ZFP64: variants seen among roughly 807,000 people sequenced by gnomAD.
The protein encoded by ZFP64 is ZFP64 zinc finger protein, also known as zinc finger protein 64.
ZFP64 carries 14 observed loss-of-function variants against 51.6 expected under a neutral mutation model. The ratio of observed to expected loss-of-function variants is 0.27; its 90% confidence interval spans 0.18 to 0.42. ZFP64 has a LOEUF of 0.42. Among genes scored for constraint, ZFP64 ranks in the 10% least tolerant of loss-of-function variants. The probability of loss-of-function intolerance (pLI) is 1.00; values close to 1 mark genes in which losing one functional copy is unlikely to be tolerated. For missense variants in ZFP64, 754 were observed against 906.8 expected (o/e 0.83, Z 2.16); for synonymous variants, 375 against 361.4 (o/e 1.04, Z -0.43).
chr20:52,084,933 C>CTT lies in ZFP64; in HGVS notation c.1561_1562insAA (p.Arg521GlnfsTer56). On this transcript the variant is annotated frameshift_variant, in exon 9 of 9. Coordinates refer to the ZFP64 transcript ENST00000361387. LOFTEE classifies it high-confidence loss of function. ...GCTGCAGAAGTCACACTTGAAGGGA[C>CTT]GGTCCTTACAGTGGACTCTGCTGTG... The CTT allele has an allele frequency of 1.9e-6, 3 of 1,613,728 alleles. No individual in the cohort carries two copies. Among genetic ancestry groups the CTT allele is most frequent in the Non-Finnish European group, 2.5e-6 (3 of 1,180,008 alleles).
At position 52,152,580 on chromosome 20, in the gene ZFP64, T is replaced by C; in HGVS notation, c.1612A>G (p.Ser538Gly). 1 of 1,556,688 alleles carries C rather than the reference T, an allele frequency of 6.4e-7. No individual in the cohort carries two copies. The highest frequency in any genetic ancestry group is 1.2e-5 in the South Asian group (1 of 82,116). The change falls in exon 6 of 6, where the codon AGC becomes GGC. Residue 538 changes from serine (S) to glycine (G), a missense_variant. Ser to Gly is a moderately conservative substitution (Grantham distance 56). This residue lies in a region of ZFP64 where 428 missense variants were observed against 472.4 expected (regional missense o/e 0.91). Transcript: ENST00000216923. ...ACCTGGCGCAGGATCTGCAGCCGGC[T>C]GTTCCCTGGGAGTTCCTCTGGGTTC... ...AQNPEELPGN[S>G]RLQILRQVSL... is the part of the protein sequence containing the mutation.
chr20:52,183,316 C>T (rs1452121600), intron 2 of ZFP64, among the ~76,000 whole-genome samples: 4 of 152,198 alleles, frequency 2.6e-5, no homozygotes, highest in Admixed American at 1.3e-4. Flanking sequence ...AAGCAATGGC[C>T]CCAAGTAAAA....
chr20:52,126,548 G>A (rs1335310096), intron 5 of ZFP64, among the ~76,000 whole-genome samples: 2 of 152,180 alleles, frequency 1.3e-5, no homozygotes, highest in Admixed American at 6.5e-5. Context: ...GCCCTATAAA[G>A]ATGACTGTTG....
rs747109338 is a variant in ZFP64 at position 52,161,863 on chromosome 20, G to A, written c.512-1489C>T. Among the ~76,000 whole-genome samples, 4 of 152,092 alleles carry A rather than the reference G, an allele frequency of 2.6e-5. No homozygotes were observed. In the South Asian group the frequency reaches 8.3e-4, roughly 32 times the overall value. On this transcript the variant is annotated intron_variant, in intron 4 of 5. Coordinates refer to ENST00000216923, the MANE Select transcript of ZFP64 (RefSeq NM_018197.3). ...ATGGAAGGAGGTGGCTGTGAATCAGGATTTTCTTTTTTTTACTTTATATAT... is the reference window on the plus strand; with the variant it reads ...ATGGAAGGAGGTGGCTGTGAATCAGAATTTTCTTTTTTTTACTTTATATAT...
chr20:52,154,813 T>A (rs1442732286), intron 5 of ZFP64, among the ~76,000 whole-genome samples: 2 of 152,196 alleles, frequency 1.3e-5, no homozygotes, highest in Admixed American at 6.5e-5. Flanking sequence ...CATATTTGTT[T>A]ACATATGGTT....
intron 5 of ZFP64, among the ~76,000 whole-genome samples, chr20:52,123,853 G>A (rs1230014997): frequency 6.8e-6 from 1 of 148,012 alleles, no homozygotes; most frequent in African/African-American, 2.6e-5. Context: ...GAAGTAAGAA[G>A]TGCTTAGTAA....
At chr20:52,158,004 C>CT (rs1467682822) in intron 5 of ZFP64, among the ~76,000 whole-genome samples, 4 of 152,094 alleles carry the variant, frequency 2.6e-5, no homozygotes, top group Non-Finnish European at 4.4e-5. Flanking sequence ...TGAACTCAAC[C>CT]TTTTTTATGG....
chr20:52,189,472 A>T (rs1051492579), intron 1 of ZFP64, among the ~76,000 whole-genome samples: 10 of 150,262 alleles, frequency 6.7e-5, no homozygotes, highest in African/African-American at 1.7e-4. Context: ...CCTTTTCCTA[A>T]TTTTTTTCCT....
chr20:52,105,016 G>A (rs1423149922), intron 5 of ZFP64: 13 of 1,234,820 alleles, frequency 1.1e-5, no homozygotes, highest in Middle Eastern at 2.9e-4. Flanking sequence ...ACTCTGCGCC[G>A]GACGCTTCGC....
intron 2 of ZFP64, among the ~76,000 whole-genome samples, chr20:52,176,742 C>A (rs1040168223): frequency 1.3e-5 from 2 of 151,868 alleles, no homozygotes; most frequent in Non-Finnish European, 2.9e-5. Context: ...ATCTCCTGAC[C>A]TCATGATCCA....
In ZFP64 at chr20:52,153,678, C is replaced by T. The variant is rs1981073997; in HGVS notation, c.764-250G>A. The stretch of plus-strand genomic sequence containing the variant: ...AGATCGAAAAGAGCAATTTAATTGT[C>T]CCAGATAAAATAAGATTTACAAGTA... On this transcript the variant is annotated intron_variant, in intron 5 of 5. Coordinates refer to ENST00000216923, the MANE Select transcript of ZFP64 (RefSeq NM_018197.3). The surrounding 1 kb of genome is among the most constrained non-coding windows in gnomAD (Gnocchi z 5.1). Among the ~76,000 whole-genome samples the T allele has an allele frequency of 6.6e-6, 1 of 152,166 alleles. No individual in the cohort carries two copies. The highest frequency in any genetic ancestry group is 6.5e-5 in the Admixed American group (1 of 15,272).
chr20:52,138,172 A>G (rs1980076923), intron 5 of ZFP64, among the ~76,000 whole-genome samples: 1 of 152,102 alleles, frequency 6.6e-6, no homozygotes, highest in Non-Finnish European at 1.5e-5. Context: ...ACTCCACTGC[A>G]CTTTAGCCTG....
In ZFP64 at chr20:52,152,928, T is replaced by C. The variant is rs1269092405; in HGVS notation, c.1264A>G (p.Lys422Glu). The stretch of plus-strand genomic sequence containing the variant: ...CATATATCGCAGTGGAAACTCTTCT[T>C]GGCATCCAGCTTGGCCACCTGCCGG... ...SSRQVAKLDA[K>E]KSFHCDICDA... The change falls in exon 6 of 6, where the codon AAG becomes GAG. Residue 422 changes from lysine (K) to glutamate (E), a missense_variant. By Grantham distance (56) the Lys-to-Glu change is moderately conservative. Around this residue, in one of 3 missense-constraint regions of ZFP64, gnomAD observed 428 missense variants for 472.4 expected, o/e 0.91. Coordinates refer to ENST00000216923, the MANE Select transcript of ZFP64 (RefSeq NM_018197.3). The C allele has an allele frequency of 1.2e-6, 2 of 1,613,720 alleles. No homozygotes were observed. The highest frequency in any genetic ancestry group is 1.3e-5 in the African/African-American group (1 of 74,950).
chr20:52,093,205 A>G (rs923150060), intron 7 of ZFP64, among the ~76,000 whole-genome samples: 16 of 151,992 alleles, frequency 1.1e-4, no homozygotes, highest in African/African-American at 3.9e-4. Flanking sequence ...CAGTGGCACG[A>G]TTTTGGTTCA....
chr20:52,116,670 C>T (rs1978890397), intron 5 of ZFP64, among the ~76,000 whole-genome samples: 1 of 152,018 alleles, frequency 6.6e-6, no homozygotes, highest in African/African-American at 2.4e-5. Context: ...CATATGTGTA[C>T]ATACACATAT....
At chr20:52,174,127 G>C (rs1405062932) in intron 2 of ZFP64, among the ~76,000 whole-genome samples, 1 of 152,154 alleles carries the variant, frequency 6.6e-6, no homozygotes, top group African/African-American at 2.4e-5. Context: ...GTGAAGGGGA[G>C]GAGCTCAAAG....
intron 5 of ZFP64, chr20:52,111,197 ATTTTTTTTTTT>A (rs771671628): frequency 4.7e-5 from 22 of 468,236 alleles, no homozygotes; most frequent in South Asian, 1.2e-4. Context: ...TCAGCGGTCA[ATTTTTTTTTTT>A]TTTTTTTTTT....
chr20:52,105,103 C>T (rs1978301044), intron 5 of ZFP64: 2 of 1,395,830 alleles, frequency 1.4e-6, no homozygotes, highest in South Asian at 3.3e-5. Flanking sequence ...CCCCCAGCCC[C>T]CGGGCGGGGC....
intron 5 of ZFP64, chr20:52,111,192 G>A: frequency 3.4e-6 from 2 of 589,694 alleles, no homozygotes; most frequent in South Asian, 4.1e-5. Context: ...CCAAGTCAGC[G>A]GTCAATTTTT....
Sources: gnomAD v4.1 joint callset for allele counts (sites outside exome capture counted in the v4.1 genomes callset) on GRCh38, gnomAD v4.1.1 for gene constraint, gnomAD v4.1.1 regional missense constraint, Gnocchi (gnomAD v3.1) non-coding constraint, MANE v1.5 for transcripts, NCBI Gene and HGNC (gene_info 2026-07-23, HGNC 2026-07-21) for gene names.